The following GRIN2A variants were observed in gnomAD, a reference collection of about 807,000 sequenced individuals.
The protein encoded by GRIN2A is glutamate ionotropic receptor NMDA type subunit 2A.
GRIN2A carries 22 observed loss-of-function variants against 113.4 expected under a neutral mutation model. The observed-to-expected ratio is 0.19, with a 90% CI of 0.14 to 0.28. The LOEUF (loss-of-function observed/expected upper bound fraction) is 0.28, where lower values mean the gene tolerates loss of function less well. GRIN2A is among the 10% of genes least tolerant of loss of function. The pLI is 1.00. For missense variants in GRIN2A, 1,502 were observed against 1,887.0 expected (o/e 0.80, Z 3.78); for synonymous variants, 827 against 738.4 (o/e 1.12, Z -1.94).
intron 2 of GRIN2A, among the ~76,000 whole-genome samples, chr16:10,143,683 G>T (rs72776069): frequency 0.062 from 9,486 of 152,208 alleles, 396 homozygotes; most frequent in Non-Finnish European, 0.1. Flanking sequence ...AACAAGATTG[G>T]GCAGGGTGCG....
At chr16:10,016,984 A>G (rs1315867735) in intron 2 of GRIN2A, among the ~76,000 whole-genome samples, 1 of 152,246 alleles carries the variant, frequency 6.6e-6, no homozygotes, top group African/African-American at 2.4e-5. Context: ...ATGGGCCATG[A>G]TGGATGAACA....
chr16:10,052,643 G>A (rs1371794042), intron 2 of GRIN2A, among the ~76,000 whole-genome samples: 2 of 152,178 alleles, frequency 1.3e-5, no homozygotes, highest in African/African-American at 4.8e-5. Flanking sequence ...TAGGTCCTGT[G>A]CTGGATATAA....
At chr16:9,913,386 A>T (rs973812264) in intron 3 of GRIN2A, among the ~76,000 whole-genome samples, 6 of 152,218 alleles carry the variant, frequency 3.9e-5, no homozygotes, top group African/African-American at 1.2e-4. Context: ...GCAGAATGAG[A>T]TTCTATTCCA....
intron 2 of GRIN2A, among the ~76,000 whole-genome samples, chr16:10,006,665 C>T (rs765303089): frequency 5.9e-5 from 9 of 151,988 alleles, no homozygotes; most frequent in East Asian, 3.9e-4. Flanking sequence ...CTAAAATGTA[C>T]GACAAATTAT....
At chr16:9,902,613 G>C (rs2043950052) in intron 3 of GRIN2A, among the ~76,000 whole-genome samples, 1 of 152,196 alleles carries the variant, frequency 6.6e-6, no homozygotes. Context: ...AGATTTCAAA[G>C]GCTTTGAATT....
intron 4 of GRIN2A, among the ~76,000 whole-genome samples, chr16:9,875,363 C>A (rs2043343925): frequency 1.3e-5 from 2 of 152,126 alleles, no homozygotes; most frequent in South Asian, 4.1e-4. Flanking sequence ...CTCTATTTCT[C>A]CCCCTGTTCC....
chr16:9,868,267 CTTTATTT>C (rs2043195569), intron 4 of GRIN2A, among the ~76,000 whole-genome samples: 1 of 151,960 alleles, frequency 6.6e-6, no homozygotes, highest in South Asian at 2.1e-4. Flanking sequence ...CAAACCATCA[CTTTATTT>C]TTTATTTTTT....
At chr16:9,942,380 AC>A (rs1489164443) in intron 2 of GRIN2A, among the ~76,000 whole-genome samples, 2 of 152,286 alleles carry the variant, frequency 1.3e-5, no homozygotes, top group South Asian at 2.1e-4. Context: ...ACTGTGGCTA[AC>A]CTAGCCAGCC....
At chr16:10,140,919 T>C (rs2049314199) in intron 2 of GRIN2A, among the ~76,000 whole-genome samples, 1 of 152,044 alleles carries the variant, frequency 6.6e-6, no homozygotes, top group Admixed American at 6.6e-5. Flanking sequence ...ACAGGCTGGG[T>C]GTGGTGGCTC....
chr16:9,976,064 C>G (rs569570664), intron 2 of GRIN2A, among the ~76,000 whole-genome samples: 2 of 152,330 alleles, frequency 1.3e-5, no homozygotes, highest in Non-Finnish European at 2.9e-5. Flanking sequence ...TCTTCAACTT[C>G]CATCACAGAT....
intron 7 of GRIN2A, among the ~76,000 whole-genome samples, chr16:9,840,231 G>T (rs950707369): frequency 6.6e-6 from 1 of 152,164 alleles, no homozygotes; most frequent in African/African-American, 2.4e-5. Flanking sequence ...GGCAGAAGAG[G>T]AAGCAGACAC....
chr16:9,876,277 T>G (rs1220700453), intron 4 of GRIN2A, among the ~76,000 whole-genome samples: 1 of 152,168 alleles, frequency 6.6e-6, no homozygotes, highest in East Asian at 1.9e-4. Flanking sequence ...TGTTCTCCAT[T>G]ATCTCAGGTA....
chr16:10,125,040 G>A (rs1448251), intron 2 of GRIN2A, among the ~76,000 whole-genome samples: 6 of 151,982 alleles, frequency 3.9e-5, no homozygotes, highest in African/African-American at 1.5e-4. Context: ...AAAAAAGCAC[G>A]TAGTGCCCAA....
At chr16:9,935,512 TCACACACACACACA>T (rs71157793) in intron 3 of GRIN2A, among the ~76,000 whole-genome samples, 1,418 of 132,900 alleles carry the variant, frequency 0.011, 20 homozygotes, top group African/African-American at 0.038. Context: ...GTCTACTTCA[TCACACACACACACA>T]CACACACACA....
At chr16:10,116,673 G>C (rs1047491563) in intron 2 of GRIN2A, among the ~76,000 whole-genome samples, 1 of 152,118 alleles carries the variant, frequency 6.6e-6, no homozygotes, top group Non-Finnish European at 1.5e-5. Flanking sequence ...CAGCAGCAGG[G>C]AAATTCATGG....
chr16:9,807,816 G>T (rs916425646), intron 10 of GRIN2A, among the ~76,000 whole-genome samples: 1 of 152,176 alleles, frequency 6.6e-6, no homozygotes, highest in Non-Finnish European at 1.5e-5. Flanking sequence ...TTTGTGGAAA[G>T]TTGGGAAAGT....
chr16:9,839,922 T>C (rs1032386359), intron 7 of GRIN2A, among the ~76,000 whole-genome samples: 2 of 152,120 alleles, frequency 1.3e-5, no homozygotes, highest in Admixed American at 6.6e-5. Flanking sequence ...GTCAGGAGTT[T>C]GATATCAGTC....
intron 2 of GRIN2A, among the ~76,000 whole-genome samples, chr16:10,089,327 T>G (rs944189816): frequency 3.9e-5 from 6 of 152,208 alleles, no homozygotes; most frequent in Admixed American, 6.5e-5. Flanking sequence ...CACAGATGTA[T>G]GCATATGTCT....
rs372736616 is a variant in GRIN2A at position 10,112,483 on chromosome 16, C to T, written c.414+67515G>A. ...ATCATAGCCGATGTGGCATCCAGAC[C>T]GTGGGGCACGTGGTCAAGGCCCTGG... On this transcript the variant is annotated intron_variant, in intron 2 of 12. Coordinates refer to ENST00000330684, the MANE Select transcript of GRIN2A (RefSeq NM_001134407.3). 50 of 874,620 alleles carry T rather than the reference C, an allele frequency of 5.7e-5. 2 individuals carry two copies. The highest frequency in any genetic ancestry group is 3.3e-4 in the South Asian group (25 of 75,992). 54.2% of individuals were successfully genotyped at this position (874,620 alleles called of 1,614,324 possible).
Sources: allele counts gnomAD v4.1 joint callset (sites outside exome capture counted in the v4.1 genomes callset), GRCh38; gene constraint gnomAD v4.1.1; transcripts MANE v1.5; gene names NCBI Gene and HGNC (gene_info 2026-07-23, HGNC 2026-07-21).